The following RHBDL3 variants were observed in gnomAD, a reference collection of about 807,000 sequenced individuals.
RHBDL3 encodes rhomboid-related protein 3.
RHBDL3 carries 28 observed loss-of-function variants against 48.2 expected under a neutral mutation model. The ratio of observed to expected loss-of-function variants is 0.58; its 90% CI spans 0.43 to 0.80. The LOEUF is 0.80. Ranked by LOEUF, RHBDL3 falls within the 30% of genes least tolerant of loss-of-function variation. The pLI is 0.00. For synonymous variants in RHBDL3, 208 were observed against 232.3 expected (o/e 0.90, Z 0.95); for missense variants, 464 against 542.7 (o/e 0.85, Z 1.44).
Position 32,321,548 on chromosome 17 carries a change from G to A in RHBDL3, c.*319G>A, listed in dbSNP as rs1340473883. The A allele has an allele frequency of 6.0e-6, 3 of 503,242 alleles. No individual in the cohort carries two copies. The highest frequency in any genetic ancestry group is 1.1e-5 in the Non-Finnish European group (3 of 279,358). The allele number at this position is 503,242 out of a possible 1,614,324, so 31.2% of individuals were successfully genotyped here. The stretch of plus-strand genomic sequence containing the variant: ...GGCTTCTTCCATGGGGCCAGGGGGT[G>A]CCCCCTCACTGCTGCGGATTGAGCA... On this transcript the variant is annotated 3_prime_UTR_variant, in exon 9 of 9. Transcript: ENST00000269051.
At chr17:32,318,286 A>T (rs919945265) in intron 8 of RHBDL3, among the ~76,000 whole-genome samples, 1 of 151,212 alleles carries the variant, frequency 6.6e-6, no homozygotes, top group East Asian at 1.9e-4. Context: ...TGATCATGCC[A>T]CTGCACTTCA....
At chr17:32,283,525 G>C (rs181749328) in intron 2 of RHBDL3, among the ~76,000 whole-genome samples, 118 of 151,816 alleles carry the variant, frequency 7.8e-4, no homozygotes, top group African/African-American at 2.4e-3. Context: ...GGGTTTCACC[G>C]TGTTAGCCAG....
At chr17:32,273,535 C>A (rs1353919532) in intron 2 of RHBDL3, among the ~76,000 whole-genome samples, 1 of 152,286 alleles carries the variant, frequency 6.6e-6, no homozygotes, top group African/African-American at 2.4e-5. Flanking sequence ...AATGGGCAAG[C>A]CAGGTGACCT....
At chr17:32,284,476 T>A (rs967474004) in intron 2 of RHBDL3, 183 bp from the exon 3 acceptor site, 1 of 568,522 alleles carries the variant, frequency 1.8e-6, no homozygotes, top group South Asian at 2.4e-5. Context: ...GGTCTGCAGG[T>A]CCTCCAGGAC....
rs893335359 is a variant in RHBDL3, at chr17:32,285,500, C to T, written c.294+683C>T. On this transcript the variant is annotated intron_variant, in intron 3 of 8. Coordinates refer to ENST00000269051, the MANE Select transcript of RHBDL3 (RefSeq NM_138328.3). The stretch of plus-strand genomic sequence containing the variant: ...CCAAAGAGGCTGGAGAAGATAGGCC[C>T]ATGGATCCTGCCCAGCGGTCTGTTA... 5.9e-5 allele frequency among the ~76,000 whole-genome samples: 9 copies of T among 152,018 alleles called. No individual in the cohort carries two copies. The East Asian group carries it at 1.2e-3, about 20-fold the overall frequency.
At chr17:32,284,548 C>T (rs2040148872) in intron 2 of RHBDL3, 111 bp from the exon 3 acceptor site, 2 of 1,043,454 alleles carry the variant, frequency 1.9e-6, no homozygotes, top group Non-Finnish European at 2.8e-6. Context: ...GAGCCTCTGC[C>T]AGGGGCTGGG....
chr17:32,288,270 T>C (rs921599511), intron 3 of RHBDL3: 2 of 154,586 alleles, frequency 1.3e-5, no homozygotes, highest in African/African-American at 4.8e-5. Flanking sequence ...GGGACTGGAT[T>C]GGGCTCCCTC....
chr17:32,320,881 G>A, intron 8 of RHBDL3, 77 bp from the exon 9 acceptor site: 1 of 998,994 alleles, frequency 1.0e-6, no homozygotes, highest in Non-Finnish European at 1.5e-6. Flanking sequence ...TGAATTCATG[G>A]GTGGGTGATG....
At chr17:32,278,558 T>C (rs1171126824) in intron 2 of RHBDL3, among the ~76,000 whole-genome samples, 2 of 152,172 alleles carry the variant, frequency 1.3e-5, no homozygotes, top group Non-Finnish European at 2.9e-5. Context: ...CATAAGAGGA[T>C]TGGATGAGGG....
At chr17:32,282,244 C>G (rs2040069627) in intron 2 of RHBDL3, among the ~76,000 whole-genome samples, 1 of 152,262 alleles carries the variant, frequency 6.6e-6, no homozygotes, top group Middle Eastern at 3.4e-3. Context: ...GGCATTTTGG[C>G]TTGAAGGTGG....
chr17:32,313,500 C>T (rs531215614), intron 7 of RHBDL3, among the ~76,000 whole-genome samples: 14 of 152,288 alleles, frequency 9.2e-5, no homozygotes, highest in African/African-American at 3.4e-4. Context: ...ACAATCATCG[C>T]CATCTGTCTC....
intron 2 of RHBDL3, among the ~76,000 whole-genome samples, chr17:32,276,536 C>G (rs564001061): frequency 6.6e-6 from 1 of 152,118 alleles, no homozygotes; most frequent in African/African-American, 2.4e-5. Context: ...TGGGCAGCCT[C>G]GTTAATTCTG....
chr17:32,266,193 G>T lies in RHBDL3; in HGVS notation c.4G>T (p.Gly2Cys). The change falls in exon 1 of 9, where the codon GGC becomes TGC. Residue 2 changes from glycine to cysteine, a missense_variant. Gly to Cys is a radical substitution (Grantham distance 159). Transcript: ENST00000269051. Reference protein sequence around the residue: MGEHPSPGPAVA... With the variant: MCEHPSPGPAVA... ...GCCCCCGGACCCCGTCTCGGCCATG[G>T]GCGAGCACCCCAGCCCGGGCCCCGC... The T allele has an allele frequency of 7.8e-7, 1 of 1,284,750 alleles. No individual in the cohort carries two copies. Among genetic ancestry groups the T allele is most frequent in the Non-Finnish European group, 9.9e-7 (1 of 1,015,154 alleles). The allele number at this position is 1,284,750 out of a possible 1,614,324, so 79.6% of individuals were successfully genotyped here.
rs377379771 is a variant in RHBDL3 at position 32,267,482 on chromosome 17, G to A, written c.112-420G>A. On this transcript the variant is annotated intron_variant, in intron 1 of 8. Coordinates refer to ENST00000269051, the MANE Select transcript of RHBDL3 (RefSeq NM_138328.3). ...CCAGCAGGTGAGACTCATTGCGCCG[G>A]GGTCTGATGGAATTGCACCTGGCCA... 7.2e-5 allele frequency among the ~76,000 whole-genome samples: 11 copies of A among 151,936 alleles called. No individual in the cohort carries two copies. In the South Asian group the frequency reaches 1.0e-3, roughly 14 times the overall value.
chr17:32,309,058 AG>A (rs2040776259), intron 7 of RHBDL3, among the ~76,000 whole-genome samples: 1 of 151,784 alleles, frequency 6.6e-6, no homozygotes, highest in Non-Finnish European at 1.5e-5. Flanking sequence ...AGAGAGAGAG[AG>A]ACCCTGTCTC....
In RHBDL3 at chr17:32,322,648, A is replaced by AG. The variant is rs2041163893; in HGVS notation, c.*1422dup. On this transcript the variant is annotated 3_prime_UTR_variant, in exon 9 of 9. Coordinates refer to ENST00000269051, the MANE Select transcript of RHBDL3 (RefSeq NM_138328.3). Reference sequence around the variant, plus strand: ...TGTTGGGTGCATGGATGAACCTCAGAGGGAGGGCAGCCAGTAGCCTCGGAG... The same window carrying AG: ...TGTTGGGTGCATGGATGAACCTCAGAGGGGAGGGCAGCCAGTAGCCTCGGAG... The AG allele has an allele frequency of 6.6e-6, 1 of 152,126 alleles. No individual in the cohort carries two copies. Among genetic ancestry groups the AG allele is most frequent in the Non-Finnish European group, 1.5e-5 (1 of 68,060 alleles). The allele number at this position is 152,126 out of a possible 1,614,324, so 9.4% of individuals were successfully genotyped here.
At chr17:32,296,242 CAAAA>C (rs61503250) in intron 5 of RHBDL3, among the ~76,000 whole-genome samples, 2 of 90,574 alleles carry the variant, frequency 2.2e-5, no homozygotes, top group Non-Finnish European at 2.2e-5. Flanking sequence ...GACTCCATCT[CAAAA>C]AAAAAAAAAA....
chr17:32,304,036 C>T lies in RHBDL3; in HGVS notation c.782-1305C>T, dbSNP rs989707694. On this transcript the variant is annotated intron_variant, in intron 6 of 8. Transcript: ENST00000269051. ...TCTACCTCCTAGTTATTTTTAGTCTCCCATGTCCTCCCTTGGAAGACAAAG... is the reference window on the plus strand; with the variant it reads ...TCTACCTCCTAGTTATTTTTAGTCTTCCATGTCCTCCCTTGGAAGACAAAG... 2.0e-5 allele frequency among the ~76,000 whole-genome samples: 3 copies of T among 152,198 alleles called. No homozygotes were observed. In the East Asian group the frequency reaches 5.8e-4, roughly 29 times the overall value.
At chr17:32,309,081 G>A (rs998746185) in intron 7 of RHBDL3, among the ~76,000 whole-genome samples, 1 of 151,708 alleles carries the variant, frequency 6.6e-6, no homozygotes, top group Non-Finnish European at 1.5e-5. Flanking sequence ...AAAAAAAATT[G>A]CCCTTTCTAT....
Sources: allele counts gnomAD v4.1 joint callset (sites outside exome capture counted in the v4.1 genomes callset), GRCh38; gene constraint gnomAD v4.1.1; transcripts MANE v1.5; gene names NCBI Gene and HGNC (gene_info 2026-07-23, HGNC 2026-07-21).